The following GPM6A variants were observed in gnomAD, a reference collection of about 807,000 sequenced individuals.
GPM6A encodes neuronal membrane glycoprotein M6-a.
Under a neutral mutation model 32.1 loss-of-function variants are expected in GPM6A, and 7 were observed. The observed-to-expected ratio is 0.22, with a 90% confidence interval of 0.12 to 0.41. The LOEUF is 0.41. Among genes scored for constraint, GPM6A ranks in the 10% least tolerant of loss-of-function variants. The probability of loss-of-function intolerance (pLI) is 1.00; values close to 1 mark genes in which losing one functional copy is unlikely to be tolerated. For missense variants in GPM6A, 235 were observed against 347.2 expected (o/e 0.68, Z 2.57); for synonymous variants, 130 against 123.4 (o/e 1.05, Z -0.35).
chr4:175,723,998 T>C (rs1208824213), intron 1 of GPM6A, among the ~76,000 whole-genome samples: 1 of 152,176 alleles, frequency 6.6e-6, no homozygotes, highest in African/African-American at 2.4e-5. Flanking sequence ...AGTATACCTA[T>C]GAGATTCCTT....
rs771821516 is a variant in GPM6A, at chr4:175,940,683, A to C, written c.-23+61626T>G. Among the ~76,000 whole-genome samples, 244 of 151,828 alleles carry C rather than the reference A, an allele frequency of 1.6e-3. 1 individual carries two copies. The highest frequency in any genetic ancestry group is 3.4e-3 in the Middle Eastern group (1 of 294). On this transcript the variant is annotated intron_variant, in intron 1 of 7. Coordinates refer to the GPM6A transcript ENST00000280187. ...GAGTGCAGTGGTGCGATCTCGGCTC[A>C]CTGCAACCTCCGCCTCCTAGATTCA...
intron 1 of GPM6A, among the ~76,000 whole-genome samples, chr4:175,791,309 T>C (rs996122528): frequency 1.3e-5 from 2 of 152,192 alleles, no homozygotes; most frequent in African/African-American, 2.4e-5. Context: ...CTTGAAGATA[T>C]CAGTTTTAAG....
At chr4:175,994,023 G>A (rs1579694604) in intron 1 of GPM6A, among the ~76,000 whole-genome samples, 1 of 152,254 alleles carries the variant, frequency 6.6e-6, no homozygotes, top group East Asian at 1.9e-4. Flanking sequence ...ATCTTTCCAA[G>A]ATAGAGAGAA....
At chr4:175,693,353 T>C (rs1744404131) in intron 2 of GPM6A, among the ~76,000 whole-genome samples, 1 of 149,948 alleles carries the variant, frequency 6.7e-6, no homozygotes, top group Non-Finnish European at 1.5e-5. Context: ...ATTATAGAAG[T>C]ATAATAAATA....
At chr4:175,742,936 C>G (rs1731947209) in intron 1 of GPM6A, among the ~76,000 whole-genome samples, 1 of 151,962 alleles carries the variant, frequency 6.6e-6, no homozygotes, top group South Asian at 2.1e-4. Flanking sequence ...AACTTGAGAC[C>G]AGGGATTTGA....
chr4:175,976,379 G>A (rs988797409), intron 1 of GPM6A, among the ~76,000 whole-genome samples: 2 of 147,046 alleles, frequency 1.4e-5, no homozygotes. Context: ...TGTTAGCCAC[G>A]ATGGTCTCGA....
intron 1 of GPM6A, among the ~76,000 whole-genome samples, chr4:175,979,159 A>G (rs1740749703): frequency 6.6e-6 from 1 of 152,196 alleles, no homozygotes. Flanking sequence ...GACTGACTAC[A>G]GTTTCATGAG....
intron 1 of GPM6A, among the ~76,000 whole-genome samples, chr4:175,955,349 T>C (rs926478804): frequency 1.1e-4 from 16 of 152,170 alleles, no homozygotes; most frequent in Non-Finnish European, 1.8e-4. Context: ...ATAGAATATG[T>C]TTACAAAAAT....
chr4:175,903,890 G>A (rs1238862136), intron 1 of GPM6A, among the ~76,000 whole-genome samples: 1 of 152,136 alleles, frequency 6.6e-6, no homozygotes, highest in South Asian at 2.1e-4. Flanking sequence ...CATGGATAAC[G>A]TGATATATAG....
At chr4:175,741,033 C>G (rs1029997513) in intron 1 of GPM6A, among the ~76,000 whole-genome samples, 2 of 151,990 alleles carry the variant, frequency 1.3e-5, no homozygotes, top group Middle Eastern at 6.3e-3. Flanking sequence ...TTATATTTTT[C>G]AAGTTCCTCT....
chr4:175,884,224 C>T (rs72704503), intron 1 of GPM6A, among the ~76,000 whole-genome samples: 4,232 of 152,294 alleles, frequency 0.028, 91 homozygotes, highest in South Asian at 0.059. Flanking sequence ...TAAAACTCTT[C>T]TATGACTCAA....
At chr4:175,753,604 T>C (rs1441558282) in intron 1 of GPM6A, among the ~76,000 whole-genome samples, 1 of 152,146 alleles carries the variant, frequency 6.6e-6, no homozygotes, top group Non-Finnish European at 1.5e-5. Context: ...ACATGGGAAA[T>C]TGTATTCTTT....
intron 1 of GPM6A, among the ~76,000 whole-genome samples, chr4:175,931,832 C>T (rs1223404974): frequency 2.6e-5 from 4 of 151,730 alleles, no homozygotes; most frequent in Non-Finnish European, 5.9e-5. Context: ...TGCCTATAAT[C>T]CCAGCATTTT....
chr4:176,002,340 C>A (rs773122799), upstream of GPM6A: 194 of 1,585,632 alleles, frequency 1.2e-4, no homozygotes, highest in Middle Eastern at 1.7e-4. Context: ...CTCTGCAGTC[C>A]CCAGAGGAGA....
intron 1 of GPM6A, among the ~76,000 whole-genome samples, chr4:175,985,557 C>A (rs1322487158): frequency 6.6e-6 from 1 of 151,976 alleles, no homozygotes; most frequent in African/African-American, 2.4e-5. Context: ...TATATGTTTT[C>A]TTTTCTGATT....
chr4:175,656,019 A>G (rs1172594037), intron 3 of GPM6A, among the ~76,000 whole-genome samples: 2 of 152,098 alleles, frequency 1.3e-5, no homozygotes, highest in African/African-American at 4.8e-5. Context: ...CTTTGAACAG[A>G]CACTGAATTT....
intron 1 of GPM6A, among the ~76,000 whole-genome samples, chr4:175,738,960 T>C (rs895428343): frequency 1.3e-5 from 2 of 152,160 alleles, no homozygotes; most frequent in East Asian, 3.9e-4. Context: ...TTTTGAAGGC[T>C]AGTAGTCTTT....
chr4:175,971,568 A>G (rs1740503153), intron 1 of GPM6A, among the ~76,000 whole-genome samples: 2 of 151,954 alleles, frequency 1.3e-5, no homozygotes, highest in Admixed American at 6.6e-5. Flanking sequence ...CTCCAACTCT[A>G]CTATATTACC....
chr4:175,642,917 G>A (rs893245392), intron 4 of GPM6A, among the ~76,000 whole-genome samples: 20 of 152,176 alleles, frequency 1.3e-4, no homozygotes, highest in Non-Finnish European at 1.3e-4. Flanking sequence ...CTTCTCCTTT[G>A]CTGGCTCCAC....
Sources: gnomAD v4.1 joint callset for allele counts (sites outside exome capture counted in the v4.1 genomes callset) on GRCh38, gnomAD v4.1.1 for gene constraint, MANE v1.5 for transcripts, NCBI Gene and HGNC (gene_info 2026-07-23, HGNC 2026-07-21) for gene names.